The following MYT1L variants were observed in gnomAD, a reference collection of about 807,000 sequenced individuals.
MYT1L encodes myelin transcription factor 1 like, also known as myelin transcription factor 1-like protein.
A neutral mutation model predicts 126.7 loss-of-function variants in MYT1L; 12 were observed. The observed-to-expected ratio is 0.09, with a 90% confidence interval of 0.06 to 0.15. The LOEUF (loss-of-function observed/expected upper bound fraction) is 0.15. Ranked by LOEUF, MYT1L falls within the 10% of genes least tolerant of loss-of-function variation. The pLI, the probability that MYT1L is intolerant of heterozygous loss-of-function variation, is 1.00. For synonymous variants in MYT1L, 541 were observed against 604.2 expected (o/e 0.90, Z 1.53); for missense variants, 979 against 1,585.2 (o/e 0.62, Z 6.49).
chr2:1,938,648 T>C (rs1347719299), intron 9 of MYT1L, among the ~76,000 whole-genome samples: 2 of 152,168 alleles, frequency 1.3e-5, no homozygotes, highest in Non-Finnish European at 2.9e-5. Flanking sequence ...TGATTACCTA[T>C]CCCCCACCTA....
At chr2:1,904,619 C>T (rs1450451269) in intron 13 of MYT1L, among the ~76,000 whole-genome samples, 1 of 151,920 alleles carries the variant, frequency 6.6e-6, no homozygotes. Context: ...TATCCACCCA[C>T]CTTGGCCTCC....
Position 1,979,330 on chromosome 2 carries a change from G to C in MYT1L, c.90-103C>G. On this transcript the variant is annotated intron_variant, in intron 7 of 24. Transcript: ENST00000647738. The surrounding 1 kb of genome is among the most constrained non-coding windows in gnomAD (Gnocchi z 4.0). ...AGGAGGGCGGCTCAGACAGAGGAGA[G>C]AAATCACACAATCCAAAGGAGGGGG... is the stretch of plus-strand genomic sequence containing the variant. 1 of 1,176,030 alleles carries C rather than the reference G, an allele frequency of 8.5e-7. No homozygotes were observed. The highest frequency in any genetic ancestry group is 2.0e-5 in the Admixed American group (1 of 51,086). The allele number at this position is 1,176,030 out of a possible 1,614,324, so 72.8% of individuals were successfully genotyped here.
At chr2:2,116,625 G>A (rs959824890) in intron 3 of MYT1L, among the ~76,000 whole-genome samples, 1 of 152,192 alleles carries the variant, frequency 6.6e-6, no homozygotes, top group African/African-American at 2.4e-5. Flanking sequence ...TTTGATCAAC[G>A]CAATGCAGTG....
At chr2:1,859,591 G>C (rs56139534) in intron 18 of MYT1L, among the ~76,000 whole-genome samples, 72,531 of 151,570 alleles carry the variant, frequency 0.48, 18,803 homozygotes, top group Middle Eastern at 0.7. Flanking sequence ...ATTATTAGTT[G>C]TATGATGCCC....
Position 2,149,176 on chromosome 2 carries a change from C to T in MYT1L, c.-304+23696G>A, listed in dbSNP as rs189644958. Among the ~76,000 whole-genome samples the T allele has an allele frequency of 1.2e-4, 18 of 152,236 alleles. 1 individual carries two copies. In the East Asian group the frequency reaches 3.5e-3, roughly 29 times the overall value. On this transcript the variant is annotated intron_variant, in intron 3 of 24. Coordinates refer to ENST00000647738, the MANE Select transcript of MYT1L (RefSeq NM_001303052.2). ...CCCTTGGTTTCTCAATTATGTTCTTCAGCAGAGCAAGTTCAATAACATATA... is the reference window on the plus strand; with the variant it reads ...CCCTTGGTTTCTCAATTATGTTCTTTAGCAGAGCAAGTTCAATAACATATA...
chr2:1,959,806 A>C lies in MYT1L; in HGVS notation c.153-16472T>G, dbSNP rs538206688. On this transcript the variant is annotated intron_variant, in intron 8 of 24. Transcript: ENST00000647738. ...GGACACGGTCCTCTGTCCACAGTGC[A>C]GCCACATACGGTGTGGAGGCCATGA... Among the ~76,000 whole-genome samples the C allele has an allele frequency of 3.3e-5, 5 of 152,354 alleles. No homozygotes were observed. The South Asian group carries it at 1.0e-3, about 32-fold the overall frequency.
rs1314625223 is a variant in MYT1L, at chr2:2,027,774, C to G, written c.-158+26204G>C. Among the ~76,000 whole-genome samples the G allele has an allele frequency of 4.8e-4, 72 of 151,502 alleles. 1 individual carries two copies. Among genetic ancestry groups the G allele is most frequent in the Non-Finnish European group, 1.9e-4 (13 of 68,010 alleles). On this transcript the variant is annotated intron_variant, in intron 4 of 24. Coordinates refer to ENST00000647738, the MANE Select transcript of MYT1L (RefSeq NM_001303052.2). ...GGTGACATCTCTGAGTCTTACCTGC[C>G]TGAGTGATCAAGGGAGGAAGGTCAG...
At chr2:2,102,122 T>A (rs551344487) in intron 3 of MYT1L, among the ~76,000 whole-genome samples, 33 of 152,298 alleles carry the variant, frequency 2.2e-4, no homozygotes, top group African/African-American at 7.9e-4. Context: ...CTTATACCAC[T>A]GGGGGGAAGC....
At position 1,923,088 on chromosome 2, in the gene MYT1L, G is replaced by C; in HGVS notation, c.681C>G (p.Ser227Arg). Residue 227 changes from serine to arginine, a missense_variant, in exon 10 of 25, where the codon AGC (serine) becomes AGG (arginine). Coordinates refer to ENST00000647738, the MANE Select transcript of MYT1L (RefSeq NM_001303052.2). ...CGTCTTCCAGACTATTGGAGGTATT[G>C]CTGTTCATTTCTGACTCAGTCCTGG... ...YRARTESEMN[S>R]NTSNSLEDDS... 1 of 1,613,994 alleles carries C rather than the reference G, an allele frequency of 6.2e-7. No individual in the cohort carries two copies. The highest frequency in any genetic ancestry group is 8.5e-7 in the Non-Finnish European group (1 of 1,179,894).
intron 4 of MYT1L, among the ~76,000 whole-genome samples, chr2:2,026,737 GCT>G (rs1558779504): frequency 6.6e-6 from 1 of 152,064 alleles, no homozygotes; most frequent in East Asian, 1.9e-4. Flanking sequence ...GGCGGGGCCC[GCT>G]CCTCAGAGGA....
intron 2 of MYT1L, among the ~76,000 whole-genome samples, chr2:2,204,181 C>T (rs2093207973): frequency 6.6e-6 from 1 of 152,188 alleles, no homozygotes; most frequent in Admixed American, 6.5e-5. Flanking sequence ...TAGGCAATAT[C>T]ATTCAGGACA....
intron 1 of MYT1L, among the ~76,000 whole-genome samples, chr2:2,297,368 T>C (rs1457799706): frequency 6.6e-6 from 1 of 152,168 alleles, no homozygotes; most frequent in African/African-American, 2.4e-5. Context: ...GTGGGGTGGA[T>C]GGGACACCTG....
At chr2:1,975,219 C>T (rs546421793) in intron 8 of MYT1L, among the ~76,000 whole-genome samples, 1 of 86,400 alleles carries the variant, frequency 1.2e-5, no homozygotes, top group South Asian at 3.4e-4. Context: ...CAGAACACCA[C>T]TGAGGAGGCG....
At chr2:2,029,800 C>T (rs1574652898) in intron 4 of MYT1L, among the ~76,000 whole-genome samples, 1 of 152,178 alleles carries the variant, frequency 6.6e-6, no homozygotes, top group Non-Finnish European at 1.5e-5. Flanking sequence ...AAGTTATTGG[C>T]ATTTTATCAT....
At chr2:2,003,782 T>C (rs908371495) in intron 4 of MYT1L, among the ~76,000 whole-genome samples, 2 of 151,892 alleles carry the variant, frequency 1.3e-5, no homozygotes, top group Non-Finnish European at 2.9e-5. Context: ...CCTGACTAAG[T>C]CTCCCCTCAG....
At chr2:1,839,411 C>T in intron 20 of MYT1L, 41 bp from the exon 21 acceptor site, 1 of 1,562,104 alleles carries the variant, frequency 6.4e-7, no homozygotes. Context: ...TGTCTGGCCA[C>T]CGTCGCCTGG....
intron 21 of MYT1L, among the ~76,000 whole-genome samples, chr2:1,812,915 C>A (rs1401425053): frequency 6.6e-6 from 1 of 151,070 alleles, no homozygotes; most frequent in Non-Finnish European, 1.5e-5. Context: ...AATGCAGCTG[C>A]CGCCCTGGGT....
At chr2:1,867,969 T>C (rs2045811163) in intron 18 of MYT1L, among the ~76,000 whole-genome samples, 1 of 147,564 alleles carries the variant, frequency 6.8e-6, no homozygotes, top group South Asian at 2.1e-4. Flanking sequence ...GGCTCTATGC[T>C]TTTCTTTCTT....
At chr2:2,137,375 T>A (rs993082495) in intron 3 of MYT1L, among the ~76,000 whole-genome samples, 4 of 152,184 alleles carry the variant, frequency 2.6e-5, no homozygotes, top group Admixed American at 2.0e-4. Context: ...AGAGCCTGCA[T>A]CACCAAGTCA....
Sources: gnomAD v4.1 joint callset for allele counts (sites outside exome capture counted in the v4.1 genomes callset) on GRCh38, gnomAD v4.1.1 for gene constraint, Gnocchi (gnomAD v3.1) non-coding constraint, MANE v1.5 for transcripts, NCBI Gene and HGNC (gene_info 2026-07-23, HGNC 2026-07-21) for gene names.